The following SLC14A2 variants were observed in gnomAD, a reference collection of about 807,000 sequenced individuals.
The protein encoded by SLC14A2 is urea transporter 2.
In SLC14A2, 91 loss-of-function variants were observed where a neutral mutation model predicts 104.6. The observed-to-expected ratio is 0.87, with a 90% confidence interval of 0.73 to 1.04. SLC14A2 has a LOEUF of 1.04. SLC14A2 is among the 50% of genes least tolerant of loss of function. The probability of loss-of-function intolerance (pLI) is 0.00; values close to 1 mark genes in which losing one functional copy is unlikely to be tolerated. For synonymous variants in SLC14A2, 476 were observed against 466.4 expected (o/e 1.02, Z -0.27); for missense variants, 1,189 against 1,156.0 (o/e 1.03, Z -0.41).
At chr18:45,372,844 A>T (rs991289733) in intron 1 of SLC14A2, among the ~76,000 whole-genome samples, 4 of 152,268 alleles carry the variant, frequency 2.6e-5, no homozygotes, top group African/African-American at 9.6e-5. Flanking sequence ...AATATCGTGT[A>T]TTAAATCTAA....
chr18:45,483,561 A>G (rs191226862), intron 2 of SLC14A2: 1 of 152,316 alleles, frequency 6.6e-6, no homozygotes, highest in East Asian at 1.9e-4. Flanking sequence ...TGAAAAATTT[A>G]AAAGGGATAG....
intron 1 of SLC14A2, among the ~76,000 whole-genome samples, chr18:45,618,654 A>G (rs1453273657): frequency 7.4e-6 from 1 of 134,594 alleles, no homozygotes; most frequent in Admixed American, 8.2e-5. Flanking sequence ...GGGTGACAAG[A>G]GCGAAACTCT....
In SLC14A2 at chr18:45,627,058, G is replaced by A. The variant is rs749712267; in HGVS notation, c.432G>A (p.Gly144=). The change falls in exon 4 of 20, where the codon GGG becomes GGA. Residue 144 remains glycine (G), a synonymous_variant. Coordinates refer to ENST00000255226, the MANE Select transcript of SLC14A2 (RefSeq NM_007163.4). The stretch of plus-strand genomic sequence containing the variant: ...TCAGCGGCCTCATCATCTTCATAGG[G>A]CTGCTGATCCAGAATCCCTGGTGGA... ...NPLSGLIIFI[G]LLIQNPWWTI... 6.2e-7 allele frequency: 1 copy of A among 1,613,840 alleles called. No individual in the cohort carries two copies. The highest frequency in any genetic ancestry group is 1.1e-5 in the South Asian group (1 of 91,056).
chr18:45,274,362 T>G (rs1356327547), intron 1 of SLC14A2, among the ~76,000 whole-genome samples: 2 of 152,142 alleles, frequency 1.3e-5, no homozygotes, highest in East Asian at 3.8e-4. Context: ...AGCTGAAGGG[T>G]TTTTTTCTTC....
chr18:45,555,251 G>A (rs1427530708), intron 2 of SLC14A2, among the ~76,000 whole-genome samples: 1 of 152,100 alleles, frequency 6.6e-6, no homozygotes, highest in African/African-American at 2.4e-5. Context: ...AGGGGAGAAG[G>A]GAGCATTCAT....
At chr18:45,569,803 A>C (rs570237506) in intron 2 of SLC14A2, among the ~76,000 whole-genome samples, 2 of 152,306 alleles carry the variant, frequency 1.3e-5, no homozygotes, top group Non-Finnish European at 2.9e-5. Flanking sequence ...GGGAGCCAGG[A>C]GTCCTTAGGC....
intron 1 of SLC14A2, among the ~76,000 whole-genome samples, chr18:45,359,948 A>T (rs370352596): frequency 6.6e-6 from 1 of 152,128 alleles, no homozygotes; most frequent in East Asian, 1.9e-4. Context: ...CTGATTTCCA[A>T]ACTCACTGCA....
At chr18:45,410,456 T>G (rs573903519) in intron 1 of SLC14A2, among the ~76,000 whole-genome samples, 1 of 152,306 alleles carries the variant, frequency 6.6e-6, no homozygotes, top group South Asian at 2.1e-4. Flanking sequence ...CGTTACTGCC[T>G]AACCTCATAT....
chr18:45,506,337 C>T lies in SLC14A2; in HGVS notation c.-35+23015C>T, dbSNP rs189009790. ...GTTGTCCAGTTAGCCTGATCACACA[C>T]CAGCAGAGCCACTATCTGTCAGTAA... On this transcript the variant is annotated intron_variant, in intron 2 of 20. Transcript: ENST00000586448. Among the ~76,000 whole-genome samples the T allele has an allele frequency of 1.8e-4, 27 of 152,316 alleles. 1 individual carries two copies. The highest frequency in any genetic ancestry group is 5.9e-4 in the Admixed American group (9 of 15,304).
At chr18:45,632,145 TTG>T (rs34666828) in intron 4 of SLC14A2, among the ~76,000 whole-genome samples, 4,506 of 113,622 alleles carry the variant, frequency 0.04, 200 homozygotes, top group African/African-American at 0.13. Flanking sequence ...GTGTGTGTGT[TTG>T]TGTGTGTGTG....
chr18:45,616,901 C>A (rs1307880098), intron 1 of SLC14A2, among the ~76,000 whole-genome samples: 1 of 152,032 alleles, frequency 6.6e-6, no homozygotes, highest in African/African-American at 2.4e-5. Flanking sequence ...AGTCTGAGAC[C>A]AGTCTGGGCA....
intron 2 of SLC14A2, among the ~76,000 whole-genome samples, chr18:45,535,308 C>G (rs1029394284): frequency 2.0e-5 from 3 of 152,126 alleles, no homozygotes; most frequent in Non-Finnish European, 4.4e-5. Context: ...CCAACTTGAG[C>G]TGAATGTGAC....
chr18:45,517,929 C>T (rs575851488), intron 2 of SLC14A2, among the ~76,000 whole-genome samples: 1 of 152,232 alleles, frequency 6.6e-6, no homozygotes, highest in South Asian at 2.1e-4. Context: ...GAATAAGGTG[C>T]TTATTGTAAC....
intron 2 of SLC14A2, among the ~76,000 whole-genome samples, chr18:45,536,275 C>T (rs2043780912): frequency 1.3e-5 from 2 of 152,196 alleles, no homozygotes; most frequent in African/African-American, 4.8e-5. Flanking sequence ...ATTAATTTCC[C>T]AGTACCTGGG....
At chr18:45,561,612 G>C (rs536204581) in intron 2 of SLC14A2, among the ~76,000 whole-genome samples, 13 of 152,192 alleles carry the variant, frequency 8.5e-5, no homozygotes, top group Middle Eastern at 3.4e-3. Flanking sequence ...TCTCTTATTT[G>C]CTTCATATTT....
chr18:45,499,131 C>A (rs557163723), intron 2 of SLC14A2, among the ~76,000 whole-genome samples: 1 of 152,146 alleles, frequency 6.6e-6, no homozygotes, highest in Non-Finnish European at 1.5e-5. Flanking sequence ...GGAGAAGAGA[C>A]GAGAATCACC....
At chr18:45,495,593 C>T (rs2043081135) in intron 2 of SLC14A2, among the ~76,000 whole-genome samples, 1 of 152,164 alleles carries the variant, frequency 6.6e-6, no homozygotes, top group African/African-American at 2.4e-5. Context: ...ATGTACATTT[C>T]TATGAGACAG....
At chr18:45,214,816 T>TA (rs1366635907) in intron 1 of SLC14A2, among the ~76,000 whole-genome samples, 2 of 150,144 alleles carry the variant, frequency 1.3e-5, no homozygotes, top group East Asian at 3.9e-4. Flanking sequence ...ACACTTACGG[T>TA]CTGTGGATCA....
At chr18:45,671,385 T>G (rs2046132968) in intron 16 of SLC14A2, among the ~76,000 whole-genome samples, 1 of 152,176 alleles carries the variant, frequency 6.6e-6, no homozygotes, top group African/African-American at 2.4e-5. Flanking sequence ...GACTCATATG[T>G]TTTGTCTTTT....
Sources: gnomAD v4.1 joint callset for allele counts (sites outside exome capture counted in the v4.1 genomes callset) on GRCh38, gnomAD v4.1.1 for gene constraint, MANE v1.5 for transcripts, NCBI Gene and HGNC (gene_info 2026-07-23, HGNC 2026-07-21) for gene names.